The following TIAM1 variants were observed in gnomAD, a reference collection of about 807,000 sequenced individuals.
TIAM1 encodes the protein TIAM Rac1 associated GEF 1, also known as rho guanine nucleotide exchange factor TIAM1.
Under a neutral mutation model 163.5 loss-of-function variants are expected in TIAM1, and 65 were observed. The observed-to-expected ratio is 0.40, with a 90% CI of 0.33 to 0.49. The LOEUF (loss-of-function observed/expected upper bound fraction) is 0.49. Ranked by LOEUF, TIAM1 falls within the 20% of genes least tolerant of loss-of-function variation. The probability of loss-of-function intolerance (pLI) is 0.77; values close to 1 mark genes in which losing one functional copy is unlikely to be tolerated. For missense variants in TIAM1, 1,789 were observed against 2,044.7 expected, an observed-to-expected ratio of 0.87 and a Z score of 2.41; for synonymous variants, 833 against 810.1, an observed-to-expected ratio of 1.03 and a Z score of -0.48.
chr21:31,385,316 A>G (rs1230456294), intron 2 of TIAM1, among the ~76,000 whole-genome samples: 1 of 152,208 alleles, frequency 6.6e-6, no homozygotes, highest in Non-Finnish European at 1.5e-5. Context: ...AGATAGATAG[A>G]TATAGATTTT....
At chr21:31,217,773 A>T in intron 8 of TIAM1, 74 bp from the exon 9 acceptor site, 1 of 1,547,248 alleles carries the variant, frequency 6.5e-7, no homozygotes, top group Non-Finnish European at 8.7e-7. Context: ...AGGTCCCCGT[A>T]AGTCCCACCC....
intron 1 of TIAM1, among the ~76,000 whole-genome samples, chr21:31,468,850 C>T (rs2045631406): frequency 6.6e-6 from 1 of 151,976 alleles, no homozygotes; most frequent in African/African-American, 2.4e-5. Context: ...CCTCTTTTTC[C>T]TCTGGGATCT....
intron 1 of TIAM1, among the ~76,000 whole-genome samples, chr21:31,482,220 C>T (rs753676338): frequency 7.9e-5 from 12 of 151,882 alleles, no homozygotes; most frequent in Non-Finnish European, 1.8e-4. Flanking sequence ...GGCGCAATCT[C>T]GGCTCACTGC....
At chr21:31,198,164 G>A (rs954316963) in intron 12 of TIAM1, among the ~76,000 whole-genome samples, 33 of 152,152 alleles carry the variant, frequency 2.2e-4, no homozygotes, top group African/African-American at 8.0e-4. Flanking sequence ...AAACTTGCCC[G>A]TATCCCTGAC....
intron 2 of TIAM1, among the ~76,000 whole-genome samples, chr21:31,323,299 A>G (rs1569219679): frequency 6.6e-6 from 1 of 151,526 alleles, no homozygotes; most frequent in Non-Finnish European, 1.5e-5. Flanking sequence ...AAAAAAAAAA[A>G]AAGAAAGAAA....
At chr21:31,172,469 A>G (rs1170710973) in intron 15 of TIAM1, among the ~76,000 whole-genome samples, 1 of 152,178 alleles carries the variant, frequency 6.6e-6, no homozygotes, top group Non-Finnish European at 1.5e-5. Flanking sequence ...CTTACCAGGA[A>G]ACAAAGCACG....
chr21:31,525,926 CGAGAGGCTGA>C (rs1249875540), intron 1 of TIAM1, among the ~76,000 whole-genome samples: 1 of 150,292 alleles, frequency 6.7e-6, no homozygotes, highest in Non-Finnish European at 1.5e-5. Context: ...CCCAGCTACT[CGAGAGGCTGA>C]GGCAGGAGAA....
intron 6 of TIAM1, among the ~76,000 whole-genome samples, chr21:31,227,198 C>G (rs933628932): frequency 6.6e-6 from 1 of 152,058 alleles, no homozygotes; most frequent in Admixed American, 6.6e-5. Flanking sequence ...CTCAAGTGAT[C>G]CACCCGCCTC....
chr21:31,200,338 G>GAA (rs898961651), intron 12 of TIAM1, among the ~76,000 whole-genome samples: 1 of 137,900 alleles, frequency 7.3e-6, no homozygotes, highest in South Asian at 2.3e-4. Context: ...CTTCATCACA[G>GAA]AAAAAAAAAA....
At chr21:31,124,466 G>C in intron 27 of TIAM1, 56 bp downstream of exon 27, 1 of 1,603,694 alleles carries the variant, frequency 6.2e-7, no homozygotes, top group Non-Finnish European at 8.5e-7. Context: ...GCTCACTGGA[G>C]TTCTACTGCG....
At chr21:31,461,733 A>G (rs766634054) in intron 2 of TIAM1, among the ~76,000 whole-genome samples, 2 of 152,122 alleles carry the variant, frequency 1.3e-5, no homozygotes, top group Non-Finnish European at 2.9e-5. Context: ...TAGTGTGATC[A>G]TGGCTCACTG....
chr21:31,255,220 A>G (rs1264441825), intron 4 of TIAM1, among the ~76,000 whole-genome samples: 2 of 152,154 alleles, frequency 1.3e-5, no homozygotes, highest in Admixed American at 6.5e-5. Flanking sequence ...TGCTCTTGTC[A>G]TCTGTGATCC....
intron 16 of TIAM1, among the ~76,000 whole-genome samples, chr21:31,156,344 A>G (rs1223711093): frequency 6.6e-6 from 1 of 152,188 alleles, no homozygotes; most frequent in African/African-American, 2.4e-5. Flanking sequence ...GCACTATTCA[A>G]TGTTTTCTGT....
In TIAM1 at chr21:31,129,882, A is replaced by G. The variant is rs886422339; in HGVS notation, c.4045+331T>C. On this transcript the variant is annotated intron_variant, in intron 25 of 27. Coordinates refer to ENST00000541036, the MANE Select transcript of TIAM1 (RefSeq NM_001353694.2). ...AGTCTCAAGGATTCTTTCAAGAAGC[A>G]CAGGCTCACTGTACTCAGGTGGTAG... 2.0e-5 allele frequency among the ~76,000 whole-genome samples: 3 copies of G among 152,236 alleles called. No individual in the cohort carries two copies. In the East Asian group the frequency reaches 5.8e-4, roughly 29 times the overall value.
intron 25 of TIAM1, among the ~76,000 whole-genome samples, chr21:31,128,661 T>C (rs2082298087): frequency 6.6e-6 from 1 of 152,210 alleles, no homozygotes; most frequent in African/African-American, 2.4e-5. Flanking sequence ...CAAATTCATA[T>C]ATAAATCAAT....
chr21:31,240,257 C>A (rs184984283), intron 6 of TIAM1, among the ~76,000 whole-genome samples: 1 of 152,148 alleles, frequency 6.6e-6, no homozygotes, highest in Non-Finnish European at 1.5e-5. Context: ...AAGAGCCATT[C>A]CTTCACAAAA....
At chr21:31,283,903 C>T (rs2073682439) in intron 2 of TIAM1, among the ~76,000 whole-genome samples, 1 of 152,100 alleles carries the variant, frequency 6.6e-6, no homozygotes, top group Non-Finnish European at 1.5e-5. Context: ...CCCAACACTC[C>T]AAGAGTAGTT....
chr21:31,209,988 A>C (rs1438026985), intron 11 of TIAM1, 57 bp downstream of exon 11: 1 of 1,553,452 alleles, frequency 6.4e-7, no homozygotes, highest in Non-Finnish European at 8.7e-7. Flanking sequence ...GTGCCTTAGA[A>C]GATTGCTACA....
chr21:31,445,742 TC>T (rs1488200319), intron 2 of TIAM1, among the ~76,000 whole-genome samples: 17 of 152,090 alleles, frequency 1.1e-4, no homozygotes, highest in African/African-American at 3.9e-4. Context: ...GTTTCCTGGA[TC>T]GGACTATACC....
Sources: gnomAD v4.1 joint callset for allele counts (sites outside exome capture counted in the v4.1 genomes callset) on GRCh38, gnomAD v4.1.1 for gene constraint, MANE v1.5 for transcripts, NCBI Gene and HGNC (gene_info 2026-07-23, HGNC 2026-07-21) for gene names.